The following TMEM39A variants were observed in gnomAD, a reference collection of about 807,000 sequenced individuals.
TMEM39A encodes the protein transmembrane protein 39A.
Under a neutral mutation model 51.9 loss-of-function variants are expected in TMEM39A, and 19 were observed. The ratio of observed to expected loss-of-function variants is 0.37; its 90% CI spans 0.26 to 0.54. The LOEUF is 0.54. Ranked by LOEUF, TMEM39A falls within the 20% of genes least tolerant of loss-of-function variation. TMEM39A has a pLI of 0.88. For missense variants in TMEM39A, 433 were observed against 590.5 expected, an observed-to-expected ratio of 0.73 and a Z score of 2.76; for synonymous variants, 197 against 220.2, an observed-to-expected ratio of 0.89 and a Z score of 0.93.
In TMEM39A at chr3:119,432,160, T is replaced by C; in HGVS notation, c.1288A>G (p.Ser430Gly). Residue 430 changes from serine (S) to glycine (G), a missense_variant, in exon 9 of 9, where the codon AGT becomes GGT. Around this residue, in one of 3 missense-constraint regions of TMEM39A, gnomAD observed 223 missense variants for 328.1 expected, o/e 0.68. Transcript: ENST00000319172. Reference protein sequence around the residue: ...LLNLLILIEGSVVFYQLYSLL... With the variant: ...LLNLLILIEGGVVFYQLYSLL... The stretch of plus-strand genomic sequence containing the variant: ...GAATAGAGCTGATAGAAGACGACAC[T>C]GCCCTCAATAAGGATGAGCAGATTT... 6.2e-7 allele frequency: 1 copy of C among 1,613,194 alleles called. No homozygotes were observed. Among genetic ancestry groups the C allele is most frequent in the Non-Finnish European group, 8.5e-7 (1 of 1,179,438 alleles).
At chr3:119,446,019 T>C (rs1274506497) in intron 5 of TMEM39A, among the ~76,000 whole-genome samples, 1 of 152,160 alleles carries the variant, frequency 6.6e-6, no homozygotes, top group African/African-American at 2.4e-5. Flanking sequence ...ACACTATGTT[T>C]TTTCCTATAC....
chr3:119,449,250 G>A (rs941517692), intron 4 of TMEM39A, among the ~76,000 whole-genome samples: 2 of 152,042 alleles, frequency 1.3e-5, no homozygotes, highest in African/African-American at 2.4e-5. Flanking sequence ...ATCTTCATAC[G>A]CATATGAAGA....
chr3:119,431,431 C>G lies in TMEM39A; in HGVS notation c.*550G>C, dbSNP rs1323132360. 1 of 152,112 alleles carries G rather than the reference C, an allele frequency of 6.6e-6. No homozygotes were observed. The highest frequency in any genetic ancestry group is 2.4e-5 in the African/African-American group (1 of 41,418). 9.4% of individuals were successfully genotyped at this position (152,112 alleles called of 1,614,324 possible). A position where few individuals can be genotyped will look rare whatever the true frequency, so the allele number is the denominator to read the frequency against. On this transcript the variant is annotated 3_prime_UTR_variant, in exon 9 of 9. Transcript: ENST00000319172. The stretch of plus-strand genomic sequence containing the variant: ...TTAAATGTCACAGGGTAAAATAGAC[C>G]AGCTGAGTCCGTATCTTAGAAAGGA...
intron 5 of TMEM39A, among the ~76,000 whole-genome samples, chr3:119,444,515 A>C (rs1305545313): frequency 6.6e-6 from 1 of 152,262 alleles, no homozygotes; most frequent in Non-Finnish European, 1.5e-5. Context: ...GACCTACTAT[A>C]GTATAACCAA....
chr3:119,440,600 G>A (rs997522916), intron 5 of TMEM39A, among the ~76,000 whole-genome samples: 3 of 151,696 alleles, frequency 2.0e-5, no homozygotes, highest in African/African-American at 7.3e-5. Flanking sequence ...AGAACTGAGG[G>A]GTAAGAAAAA....
intron 2 of TMEM39A, among the ~76,000 whole-genome samples, chr3:119,458,510 G>A (rs2081295775): frequency 6.6e-6 from 1 of 152,134 alleles, no homozygotes; most frequent in African/African-American, 2.4e-5. Flanking sequence ...CTCCCTACTG[G>A]ACATCTCTGT....
At chr3:119,451,658 C>T (rs2081200148) in intron 4 of TMEM39A, among the ~76,000 whole-genome samples, 1 of 151,752 alleles carries the variant, frequency 6.6e-6, no homozygotes, top group Non-Finnish European at 1.5e-5. Flanking sequence ...TGGAGAAACC[C>T]CGTCTCTACT....
chr3:119,441,857 C>G (rs1309963713), intron 5 of TMEM39A, among the ~76,000 whole-genome samples: 1 of 152,228 alleles, frequency 6.6e-6, no homozygotes. Context: ...CAGCTGGTAA[C>G]TTTAAGTGGA....
intron 3 of TMEM39A, among the ~76,000 whole-genome samples, chr3:119,457,131 C>T (rs996849925): frequency 2.0e-5 from 3 of 152,004 alleles, no homozygotes; most frequent in African/African-American, 4.8e-5. Context: ...CCATCACACA[C>T]GGTTAATTTT....
At chr3:119,450,132 G>T (rs2081179792) in intron 4 of TMEM39A, among the ~76,000 whole-genome samples, 1 of 152,172 alleles carries the variant, frequency 6.6e-6, no homozygotes, top group Non-Finnish European at 1.5e-5. Context: ...TTTTTGAATA[G>T]GTAACACATT....
Position 119,431,941 on chromosome 3 carries a change from A to ATAT in TMEM39A, c.*37_*39dup, listed in dbSNP as rs2080906274. The ATAT allele has an allele frequency of 7.5e-7, 1 of 1,339,750 alleles. No individual in the cohort carries two copies. Among genetic ancestry groups the ATAT allele is most frequent in the East Asian group, 2.5e-5 (1 of 40,588 alleles). 83.0% of individuals were successfully genotyped at this position (1,339,750 alleles called of 1,614,324 possible). ...CAAGAAAAAAATAGAACGTATGAAAATATTTTTATCTGAGTTCTCCCTCAT... is the reference window on the plus strand; with the variant it reads ...CAAGAAAAAAATAGAACGTATGAAAATATTATTTTTATCTGAGTTCTCCCTCAT... On this transcript the variant is annotated 3_prime_UTR_variant, in exon 9 of 9. Transcript: ENST00000319172.
In TMEM39A at chr3:119,456,313, T is replaced by C. The variant is rs141044524; in HGVS notation, c.336+1705A>G. Among the ~76,000 whole-genome samples the C allele has an allele frequency of 2.0e-3, 312 of 152,242 alleles. 1 individual carries two copies. The highest frequency in any genetic ancestry group is 7.2e-3 in the African/African-American group (300 of 41,540). ...AAGAAAAAAAGACTTAAAAAAAAAT[T>C]TGGCACTATATCATTGCAATTTTTC... On this transcript the variant is annotated intron_variant, in intron 3 of 8. Coordinates refer to ENST00000319172, the MANE Select transcript of TMEM39A (RefSeq NM_018266.3).
rs1012173705 is a variant in TMEM39A at position 119,436,639 on chromosome 3, T to C, written c.1112+152A>G. On this transcript the variant is annotated intron_variant, in intron 7 of 8. Transcript: ENST00000319172. ...GGTGGAAATGAGTTAATGTCCCTTGTATTCAGTTTAGCATGATGACAAGCA... is the reference window on the plus strand; with the variant it reads ...GGTGGAAATGAGTTAATGTCCCTTGCATTCAGTTTAGCATGATGACAAGCA... 2.4e-5 allele frequency: 19 copies of C among 795,018 alleles called. No homozygotes were observed. The Admixed American group carries it at 4.3e-4, about 18-fold the overall frequency. The allele number at this position is 795,018 out of a possible 1,614,324, so 49.2% of individuals were successfully genotyped here. A position where few individuals can be genotyped will look rare whatever the true frequency, so the allele number is the denominator to read the frequency against.
At chr3:119,435,876 G>C (rs1364593793) in intron 7 of TMEM39A, 1 of 1,289,602 alleles carries the variant, frequency 7.8e-7, no homozygotes, top group South Asian at 1.2e-5. Context: ...CCCACAGTCG[G>C]GTTTCTTTTC....
intron 2 of TMEM39A, among the ~76,000 whole-genome samples, chr3:119,461,557 T>C (rs1265322657): frequency 6.6e-6 from 1 of 152,216 alleles, no homozygotes; most frequent in East Asian, 1.9e-4. Context: ...ACAGCTAACA[T>C]TTATTAAGAC....
At chr3:119,433,078 T>C (rs747137004) in intron 8 of TMEM39A, among the ~76,000 whole-genome samples, 17 of 152,150 alleles carry the variant, frequency 1.1e-4, no homozygotes, top group Non-Finnish European at 2.1e-4. Flanking sequence ...ATCCTAAATC[T>C]AGATGAAGAC....
rs2107653126 is a variant in TMEM39A, at chr3:119,429,348, G to C, written c.*2633C>G. 6.6e-6 allele frequency among the ~76,000 whole-genome samples: 1 copy of C among 152,058 alleles called. No individual in the cohort carries two copies. Among genetic ancestry groups the C allele is most frequent in the South Asian group, 2.1e-4 (1 of 4,812 alleles). ...GAAAACTTCTGTCATGCTCATTCCTGTGAACTACCCTCCTCTACTCCTTTA... is the reference window on the plus strand; with the variant it reads ...GAAAACTTCTGTCATGCTCATTCCTCTGAACTACCCTCCTCTACTCCTTTA... On this transcript the variant is annotated 3_prime_UTR_variant, in exon 9 of 9. Coordinates refer to ENST00000319172, the MANE Select transcript of TMEM39A (RefSeq NM_018266.3).
In TMEM39A at chr3:119,431,711, G is replaced by A. The variant is rs183588920; in HGVS notation, c.*270C>T. The A allele has an allele frequency of 3.4e-4, 84 of 246,038 alleles. No individual in the cohort carries two copies. Among genetic ancestry groups the A allele is most frequent in the Non-Finnish European group, 5.3e-4 (68 of 128,410 alleles). The allele number at this position is 246,038 out of a possible 1,614,324, so 15.2% of individuals were successfully genotyped here. A position where few individuals can be genotyped will look rare whatever the true frequency, so the allele number is the denominator to read the frequency against. On this transcript the variant is annotated 3_prime_UTR_variant, in exon 9 of 9. Coordinates refer to ENST00000319172, the MANE Select transcript of TMEM39A (RefSeq NM_018266.3). ...TAATACATGAGATGTGTTCATAAACGAATGAGTTATTCCAGAGCCATACAA... is the reference window on the plus strand; with the variant it reads ...TAATACATGAGATGTGTTCATAAACAAATGAGTTATTCCAGAGCCATACAA...
At chr3:119,435,005 G>A in intron 7 of TMEM39A, 123 bp from the exon 8 acceptor site, 1 of 1,423,814 alleles carries the variant, frequency 7.0e-7, no homozygotes, top group African/African-American at 1.4e-5. Flanking sequence ...CCTGAATTCT[G>A]AAAATACAGT....
Sources: allele counts gnomAD v4.1 joint callset (sites outside exome capture counted in the v4.1 genomes callset), GRCh38; gene constraint gnomAD v4.1.1; regional missense constraint gnomAD v4.1.1; transcripts MANE v1.5; gene names NCBI Gene and HGNC (gene_info 2026-07-23, HGNC 2026-07-21).